Variants in STXBP5L observed in about 807,000 individuals in gnomAD.
STXBP5L encodes the protein syntaxin binding protein 5L.
Under a neutral mutation model 144.5 loss-of-function variants are expected in STXBP5L, and 65 were observed. That is an observed-to-expected ratio of 0.45 (90% CI 0.37 to 0.55). The LOEUF (loss-of-function observed/expected upper bound fraction) is 0.55, where lower values mean the gene tolerates loss of function less well. Among genes scored for constraint, STXBP5L ranks in the 20% least tolerant of loss-of-function variants. The pLI is 0.00. For missense variants in STXBP5L, 1,298 were observed against 1,405.5 expected (o/e 0.92, Z 1.22); for synonymous variants, 505 against 469.6 (o/e 1.08, Z -0.97).
At chr3:121,182,388 C>T (rs981912532) in intron 9 of STXBP5L, among the ~76,000 whole-genome samples, 5 of 152,122 alleles carry the variant, frequency 3.3e-5, no homozygotes, top group African/African-American at 1.2e-4. Flanking sequence ...TTAACAAATA[C>T]ATGGAAATTA....
intron 2 of STXBP5L, among the ~76,000 whole-genome samples, chr3:120,917,726 A>G (rs1473067073): frequency 6.6e-6 from 1 of 152,174 alleles, no homozygotes; most frequent in East Asian, 1.9e-4. Context: ...ATAAGTAAGT[A>G]AAATAAAACA....
chr3:121,146,256 G>A (rs1257669064), intron 7 of STXBP5L, among the ~76,000 whole-genome samples: 1 of 151,978 alleles, frequency 6.6e-6, no homozygotes, highest in Non-Finnish European at 1.5e-5. Context: ...GGAGAACCCT[G>A]ACTAATACAG....
At chr3:121,137,652 T>C (rs1301402281) in intron 7 of STXBP5L, among the ~76,000 whole-genome samples, 1 of 152,054 alleles carries the variant, frequency 6.6e-6, no homozygotes, top group Middle Eastern at 3.2e-3. Context: ...ACATAATACA[T>C]CATATTAACA....
In STXBP5L at chr3:121,250,772, C is replaced by G; in HGVS notation, c.1441+9C>G. 1.2e-6 allele frequency: 2 copies of G among 1,609,240 alleles called. No individual in the cohort carries two copies. On this transcript the variant is annotated intron_variant, in intron 15 of 26. Coordinates refer to ENST00000471454, the MANE Select transcript of STXBP5L (RefSeq NM_001308330.2). ...TTGGGATGCTTCTGCAAGTAAGTTT[C>G]AAGTTTCTGTACAACAGAAACCAAT...
At chr3:120,978,078 G>C (rs376839138) in intron 3 of STXBP5L, among the ~76,000 whole-genome samples, 5 of 152,100 alleles carry the variant, frequency 3.3e-5, no homozygotes, top group African/African-American at 9.7e-5. Context: ...TTTCCTGAAT[G>C]TGAATGTTGG....
intron 3 of STXBP5L, among the ~76,000 whole-genome samples, chr3:120,966,550 G>T (rs567295180): frequency 1.4e-4 from 22 of 152,260 alleles, no homozygotes; most frequent in Middle Eastern, 3.4e-3. Flanking sequence ...CTCAACTGCA[G>T]GTCTTTTGGA....
chr3:121,347,642 C>T (rs142485750), intron 20 of STXBP5L, among the ~76,000 whole-genome samples: 3 of 151,982 alleles, frequency 2.0e-5, no homozygotes, highest in Non-Finnish European at 4.4e-5. Context: ...CTTGAGCAGT[C>T]ATTTGTAGTT....
At chr3:121,005,080 A>G (rs568139719) in intron 3 of STXBP5L, among the ~76,000 whole-genome samples, 1 of 152,288 alleles carries the variant, frequency 6.6e-6, no homozygotes, top group Non-Finnish European at 1.5e-5. Context: ...TGAGTTAGGG[A>G]GGATTCCCTC....
At chr3:121,293,997 A>G (rs915487701) in intron 19 of STXBP5L, among the ~76,000 whole-genome samples, 1 of 152,264 alleles carries the variant, frequency 6.6e-6, no homozygotes, top group Non-Finnish European at 1.5e-5. Context: ...ATTTTGTTGT[A>G]GAGATGAGTA....
At chr3:121,087,930 G>A (rs993722084) in intron 5 of STXBP5L, among the ~76,000 whole-genome samples, 1 of 152,096 alleles carries the variant, frequency 6.6e-6, no homozygotes, top group South Asian at 2.1e-4. Flanking sequence ...ATGAAATGCA[G>A]AGACTTTTCC....
intron 3 of STXBP5L, among the ~76,000 whole-genome samples, chr3:120,976,669 C>T (rs947909661): frequency 1.3e-5 from 2 of 152,118 alleles, no homozygotes; most frequent in Non-Finnish European, 1.5e-5. Context: ...CCTGCTTTCT[C>T]TTGTGGGCAT....
intron 9 of STXBP5L, among the ~76,000 whole-genome samples, chr3:121,191,562 T>G (rs946680480): frequency 2.7e-5 from 4 of 150,758 alleles, no homozygotes; most frequent in Non-Finnish European, 5.9e-5. Context: ...GGGAGAGGGA[T>G]AGGGAGATAG....
At chr3:121,182,675 A>G (rs1191307) in intron 9 of STXBP5L, among the ~76,000 whole-genome samples, 74,302 of 152,026 alleles carry the variant, frequency 0.49, 18,624 homozygotes, top group East Asian at 0.73. Flanking sequence ...TGAAATTGAA[A>G]CAAAAAATAT....
intron 9 of STXBP5L, among the ~76,000 whole-genome samples, chr3:121,191,166 C>A (rs945924194): frequency 7.2e-5 from 11 of 152,188 alleles, no homozygotes; most frequent in Non-Finnish European, 4.4e-5. Context: ...GCAATCTCGG[C>A]ACTTTGGGAG....
rs2044277963 is a variant in STXBP5L, at chr3:121,330,165, T to TGGCATAG, written c.2176+11632_2176+11638dup. Among the ~76,000 whole-genome samples the TGGCATAG allele has an allele frequency of 3.3e-5, 5 of 152,268 alleles. 1 individual carries two copies. The South Asian group carries it at 1.0e-3, about 32-fold the overall frequency. On this transcript the variant is annotated intron_variant, in intron 20 of 26. Coordinates refer to ENST00000471454, the MANE Select transcript of STXBP5L (RefSeq NM_001308330.2). ...TTTCTATCTCAACAGGGAAGGCTTATGGCATAGGGCATAAGCCTTCTGAGT... is the reference window on the plus strand; with the variant it reads ...TTTCTATCTCAACAGGGAAGGCTTATGGCATAGGGCATAGGGCATAAGCCTTCTGAGT...
chr3:121,415,980 C>T lies in STXBP5L; in HGVS notation c.3226+12C>T. 6.2e-7 allele frequency: 1 copy of T among 1,603,120 alleles called. No individual in the cohort carries two copies. Among genetic ancestry groups the T allele is most frequent in the South Asian group, 1.1e-5 (1 of 90,264 alleles). On this transcript the variant is annotated intron_variant, in intron 25 of 26. Coordinates refer to ENST00000471454, the MANE Select transcript of STXBP5L (RefSeq NM_001308330.2). ...CAGAGAAGAGCTCTGTGAGTAAATT[C>T]CTGATTATAGAAATGTATTGCAAAA...
intron 7 of STXBP5L, among the ~76,000 whole-genome samples, chr3:121,148,253 G>A (rs895846627): frequency 1.8e-4 from 28 of 151,896 alleles, no homozygotes; most frequent in Admixed American, 1.6e-3. Flanking sequence ...TGCATCTCTG[G>A]CAAGTCTGAT....
chr3:121,265,318 C>T (rs1030909436), intron 18 of STXBP5L, among the ~76,000 whole-genome samples: 2 of 152,178 alleles, frequency 1.3e-5, no homozygotes, highest in Non-Finnish European at 2.9e-5. Context: ...GATTAAGAAA[C>T]TCACTCAAAA....
intron 25 of STXBP5L, among the ~76,000 whole-genome samples, chr3:121,418,030 T>C (rs1560072804): frequency 6.6e-6 from 1 of 152,142 alleles, no homozygotes; most frequent in Non-Finnish European, 1.5e-5. Flanking sequence ...AACATTAATA[T>C]GGGTTAAATA....
Sources: allele counts gnomAD v4.1 joint callset (sites outside exome capture counted in the v4.1 genomes callset), GRCh38; gene constraint gnomAD v4.1.1; transcripts MANE v1.5; gene names NCBI Gene and HGNC (gene_info 2026-07-23, HGNC 2026-07-21).